FANCB: variants seen among roughly 807,000 people sequenced by gnomAD.
FANCB encodes FA complementation group B, also known as Fanconi anemia group B protein.
Under a neutral mutation model 38.9 loss-of-function variants are expected in FANCB, and 5 were observed. That is an observed-to-expected ratio of 0.13 (90% confidence interval 0.07 to 0.27). The LOEUF (loss-of-function observed/expected upper bound fraction) is 0.27, where lower values mean the gene tolerates loss of function less well. Among genes scored for constraint, FANCB ranks in the 10% least tolerant of loss-of-function variants. The pLI is 1.00. For missense variants in FANCB, 573 were observed against 602.7 expected (o/e 0.95, Z 0.52); for synonymous variants, 236 against 215.4 (o/e 1.10, Z -0.84).
the FANCB span, among the ~76,000 whole-genome samples, chrX:14,775,269 G>A: frequency 9.3e-4 from 90 of 96,966 alleles, no homozygotes; most frequent in East Asian, 0.021. Flanking sequence ...TCCCATCTTC[G>A]CGCTTCTATA....
chrX:14,748,946 C>T, the FANCB span, among the ~76,000 whole-genome samples: 2 of 111,925 alleles, frequency 1.8e-5, no homozygotes, highest in Non-Finnish European at 3.8e-5. Flanking sequence ...GGCTGGAGAA[C>T]CCTGAATGTA....
chrX:14,809,604 G>A, the FANCB span, among the ~76,000 whole-genome samples: 1 of 112,130 alleles, frequency 8.9e-6, no homozygotes, highest in East Asian at 2.8e-4. Context: ...AGACCAAACT[G>A]CAAGGCGGCA....
At chrX:14,706,363 C>T in the FANCB span, among the ~76,000 whole-genome samples, 1 of 112,081 alleles carries the variant, frequency 8.9e-6, no homozygotes, top group African/African-American at 3.2e-5. Flanking sequence ...AAATTGTATG[C>T]ATGTTGCAAT....
the FANCB span, among the ~76,000 whole-genome samples, chrX:14,717,818 G>A: frequency 2.8e-5 from 3 of 108,806 alleles, no homozygotes; most frequent in African/African-American, 1.0e-4. Context: ...AGATTACTCA[G>A]TTATGAATCC....
At position 14,843,790 on chromosome X, in the gene FANCB, T is replaced by G; in HGVS notation, c.2357A>C (p.Gln786Pro). The G allele has an allele frequency of 1.7e-6, 2 of 1,210,738 alleles. No individual in the cohort carries two copies. Among genetic ancestry groups the G allele is most frequent in the African/African-American group, 3.5e-5 (2 of 57,783 alleles). Residue 786 changes from glutamine (Q) to proline (P), a missense_variant, in exon 10 of 10, where the codon CAG (glutamine) becomes CCG (proline). Gln to Pro is a moderately conservative substitution (Grantham distance 76). Coordinates refer to ENST00000650831, the MANE Select transcript of FANCB (RefSeq NM_001018113.3). Reference protein sequence around the residue: ...AIAKHESNFMQRCEVSKGKSS... With the variant: ...AIAKHESNFMPRCEVSKGKSS... ...CTTTCCTTTGCTCACTTCACACCTC[T>G]GCATAAAATTGCTTTCATGTTTAGC...
At chrX:14,723,527 T>C in the FANCB span, among the ~76,000 whole-genome samples, 1 of 112,157 alleles carries the variant, frequency 8.9e-6, no homozygotes, top group Non-Finnish European at 1.9e-5. Context: ...TGTCATGCAA[T>C]CTCCATTAAA....
chrX:14,803,251 A>G, the FANCB span, among the ~76,000 whole-genome samples: 1 of 112,151 alleles, frequency 8.9e-6, no homozygotes, highest in Non-Finnish European at 1.9e-5. Context: ...TCTAACTCCA[A>G]GAAACCAACC....
the FANCB span, among the ~76,000 whole-genome samples, chrX:14,747,275 G>T: frequency 8.9e-6 from 1 of 112,457 alleles, no homozygotes. Context: ...GACTCAACAG[G>T]TAAGTCTAAC....
At chrX:14,797,689 A>AGAG in the FANCB span, among the ~76,000 whole-genome samples, 1 of 100,270 alleles carries the variant, frequency 1.0e-5, no homozygotes, top group African/African-American at 4.4e-5. Flanking sequence ...TAAAAAAAAA[A>AGAG]AAAGAGAGAG....
At chrX:14,821,583 A>G in the FANCB span, among the ~76,000 whole-genome samples, 1 of 112,232 alleles carries the variant, frequency 8.9e-6, no homozygotes, top group Non-Finnish European at 1.9e-5. Flanking sequence ...CATTCAGTAT[A>G]ATTTATGACA....
downstream of FANCB, among the ~76,000 whole-genome samples, chrX:14,834,170 C>T (rs1167840328): frequency 1.6e-4 from 18 of 111,325 alleles, no homozygotes; most frequent in Non-Finnish European, 3.0e-4. Flanking sequence ...AATTAAAATA[C>T]TGAGTTTTAT....
the FANCB span, among the ~76,000 whole-genome samples, chrX:14,697,080 A>T: frequency 1.0e-5 from 1 of 98,680 alleles, no homozygotes; most frequent in African/African-American, 3.7e-5. Context: ...AAAAAGTCTG[A>T]ACCATGGTTA....
chrX:14,814,397 A>C, the FANCB span, among the ~76,000 whole-genome samples: 1 of 112,337 alleles, frequency 8.9e-6, no homozygotes, highest in East Asian at 2.8e-4. Context: ...CAACCTACAG[A>C]ATGGGAGAAA....
chrX:14,801,238 C>T, the FANCB span, among the ~76,000 whole-genome samples: 1 of 111,960 alleles, frequency 8.9e-6, no homozygotes, highest in Non-Finnish European at 1.9e-5. Flanking sequence ...TTTTTCAGCT[C>T]TTGGAAGAGT....
chrX:14,750,571 G>C, the FANCB span, among the ~76,000 whole-genome samples: 1 of 111,148 alleles, frequency 9.0e-6, no homozygotes, highest in Non-Finnish European at 1.9e-5. Flanking sequence ...TAGGCACAAG[G>C]GTGGTAGAAA....
chrX:14,745,861 G>A, the FANCB span, among the ~76,000 whole-genome samples: 4 of 107,253 alleles, frequency 3.7e-5, no homozygotes, highest in Admixed American at 1.0e-4. Flanking sequence ...CACCATGACC[G>A]GCTAATTTTT....
At chrX:14,762,004 T>C in the FANCB span, among the ~76,000 whole-genome samples, 1 of 111,070 alleles carries the variant, frequency 9.0e-6, no homozygotes, top group Non-Finnish European at 1.9e-5. Flanking sequence ...ACAGATTGAG[T>C]CATTTATAAA....
the FANCB span, among the ~76,000 whole-genome samples, chrX:14,812,027 A>G: frequency 8.9e-6 from 1 of 111,806 alleles, no homozygotes; most frequent in African/African-American, 3.3e-5. Flanking sequence ...AAACCGCTCA[A>G]CTACATGGAA....
the FANCB span, among the ~76,000 whole-genome samples, chrX:14,722,712 C>T: frequency 8.9e-6 from 1 of 111,734 alleles, no homozygotes; most frequent in Non-Finnish European, 1.9e-5. Flanking sequence ...CTTCTCTTCT[C>T]TTTGCCTTGC....
Sources: gnomAD v4.1 joint callset for allele counts (sites outside exome capture counted in the v4.1 genomes callset) on GRCh38, gnomAD v4.1.1 for gene constraint, MANE v1.5 for transcripts, NCBI Gene and HGNC (gene_info 2026-07-23, HGNC 2026-07-21) for gene names.